The following PAPPA2 variants were observed in gnomAD, a reference collection of about 807,000 sequenced individuals.
PAPPA2 encodes the protein pappalysin-2.
A neutral mutation model predicts 176.4 loss-of-function variants in PAPPA2; 86 were observed. That is an observed-to-expected ratio of 0.49 (90% CI 0.41 to 0.58). PAPPA2 has a LOEUF of 0.58. Among genes scored for constraint, PAPPA2 ranks in the 20% least tolerant of loss-of-function variants. The probability of loss-of-function intolerance (pLI) is 0.00; values close to 1 mark genes in which losing one functional copy is unlikely to be tolerated. For missense variants in PAPPA2, 2,073 were observed against 2,256.9 expected, an observed-to-expected ratio of 0.92 and a Z score of 1.65; for synonymous variants, 809 against 852.2, an observed-to-expected ratio of 0.95 and a Z score of 0.88.
chr1:176,698,012 C>G (rs1660465251), intron 7 of PAPPA2, among the ~76,000 whole-genome samples: 1 of 152,218 alleles, frequency 6.6e-6, no homozygotes. Context: ...CAGTTGCACA[C>G]ACATATTTTT....
At chr1:176,513,193 T>C (rs1462600787) in intron 1 of PAPPA2, among the ~76,000 whole-genome samples, 1 of 148,096 alleles carries the variant, frequency 6.8e-6, no homozygotes, top group Non-Finnish European at 1.5e-5. Flanking sequence ...ATCATCATCA[T>C]CACCATCTAT....
chr1:176,709,693 C>A (rs1422868422), intron 10 of PAPPA2, among the ~76,000 whole-genome samples: 2 of 152,148 alleles, frequency 1.3e-5, no homozygotes, highest in Admixed American at 1.3e-4. Context: ...CACACCCAGT[C>A]TACAGCTGCT....
Position 176,769,651 on chromosome 1 carries a change from T to C in PAPPA2, c.4368T>C (p.Asn1456=). Residue 1456 remains asparagine, a synonymous_variant, in exon 16 of 23, where the codon AAT becomes AAC. Coordinates refer to ENST00000367662, the MANE Select transcript of PAPPA2 (RefSeq NM_020318.3). ...GTTCTTCTGGGCACTGGGACCAGAA[T>C]GTGAGCTGCCTTCCCGTGGACTGCG... ...LTCSSGHWDQ[N]VSCLPVDCGV... is the part of the protein sequence containing the mutation. 1 of 1,613,672 alleles carries C rather than the reference T, an allele frequency of 6.2e-7. No homozygotes were observed.
At chr1:176,690,013 G>A in intron 4 of PAPPA2, 124 bp from the exon 5 acceptor site, 1 of 864,116 alleles carries the variant, frequency 1.2e-6, no homozygotes, top group South Asian at 1.8e-5. Context: ...TATGTTACCA[G>A]AAGTTATAAA....
At chr1:176,650,234 T>C (rs1340161282) in intron 3 of PAPPA2, among the ~76,000 whole-genome samples, 2 of 151,504 alleles carry the variant, frequency 1.3e-5, no homozygotes, top group Admixed American at 6.6e-5. Context: ...TTTTGGTTTC[T>C]AGTTGCATGA....
At position 176,716,328 on chromosome 1, in the gene PAPPA2, CT is replaced by C. The variant is rs777980446; in HGVS notation, c.3798+4348del. 5.4e-4 allele frequency among the ~76,000 whole-genome samples: 82 copies of C among 151,514 alleles called. 1 individual carries two copies. Among genetic ancestry groups the C allele is most frequent in the Admixed American group, 1.3e-4 (2 of 15,200 alleles). On this transcript the variant is annotated intron_variant, in intron 12 of 22. Coordinates refer to ENST00000367662, the MANE Select transcript of PAPPA2 (RefSeq NM_020318.3). Reference sequence around the variant, plus strand: ...TGGCGCGATCTTGGCTCACTGCAACCTCTGCCTCTCGGGTTCAAGCGATTCT... The same window carrying C: ...TGGCGCGATCTTGGCTCACTGCAACCCTGCCTCTCGGGTTCAAGCGATTCT...
At chr1:176,662,199 G>A (rs1300498823) in intron 3 of PAPPA2, among the ~76,000 whole-genome samples, 1 of 152,108 alleles carries the variant, frequency 6.6e-6, no homozygotes, top group Non-Finnish European at 1.5e-5. Context: ...GTGATCCGGG[G>A]GAAGACACTT....
chr1:176,528,010 G>A, intron 1 of PAPPA2, among the ~76,000 whole-genome samples: 1 of 152,186 alleles, frequency 6.6e-6, no homozygotes. Flanking sequence ...CCTGCATCAT[G>A]GAAACCCCTT....
At chr1:176,488,045 A>G (rs1332962419) in intron 1 of PAPPA2, among the ~76,000 whole-genome samples, 1 of 152,214 alleles carries the variant, frequency 6.6e-6, no homozygotes, top group East Asian at 1.9e-4. Context: ...CTATGGAGAT[A>G]TTAAACCTTC....
intron 3 of PAPPA2, among the ~76,000 whole-genome samples, chr1:176,599,060 AAC>A (rs1654142525): frequency 6.6e-6 from 1 of 152,078 alleles, no homozygotes. Flanking sequence ...TGGATTGAAA[AAC>A]AGTTTATCTC....
intron 12 of PAPPA2, among the ~76,000 whole-genome samples, chr1:176,722,802 G>A (rs1039519626): frequency 1.3e-5 from 2 of 151,912 alleles, no homozygotes; most frequent in Non-Finnish European, 2.9e-5. Context: ...GATTGTTCTT[G>A]CCAGGACAGT....
intron 1 of PAPPA2, among the ~76,000 whole-genome samples, chr1:176,500,125 A>ATG (rs1203142356): frequency 9.3e-3 from 3 of 322 alleles, no homozygotes; most frequent in African/African-American, 0.022. Context: ...ATTTAGAAAT[A>ATG]TGTAAGTACA....
At chr1:176,599,537 A>T (rs1353970458) in intron 3 of PAPPA2, among the ~76,000 whole-genome samples, 1 of 133,176 alleles carries the variant, frequency 7.5e-6, no homozygotes, top group South Asian at 2.4e-4. Flanking sequence ...GATTTCTTTG[A>T]GTCTATCTTT....
intron 1 of PAPPA2, among the ~76,000 whole-genome samples, chr1:176,506,409 A>C (rs1310215935): frequency 3.3e-5 from 5 of 152,030 alleles, no homozygotes; most frequent in African/African-American, 1.2e-4. Context: ...CTAGTTTGAC[A>C]AAAATAGCAC....
intron 20 of PAPPA2, among the ~76,000 whole-genome samples, chr1:176,797,574 G>A (rs1013999101): frequency 6.6e-6 from 1 of 152,112 alleles, no homozygotes; most frequent in Non-Finnish European, 1.5e-5. Flanking sequence ...TTGAGCCCGA[G>A]AGATTGAGGC....
chr1:176,597,526 G>T (rs1336111890), intron 3 of PAPPA2, among the ~76,000 whole-genome samples: 3 of 151,972 alleles, frequency 2.0e-5, no homozygotes, highest in Admixed American at 2.0e-4. Context: ...ACATACCGGG[G>T]TCTGTCATGG....
chr1:176,750,529 C>T (rs956840437), intron 14 of PAPPA2, among the ~76,000 whole-genome samples: 15 of 152,078 alleles, frequency 9.9e-5, no homozygotes, highest in Middle Eastern at 6.8e-3. Flanking sequence ...TGCTTGAACC[C>T]GGGATGCGGA....
rs1662605320 is a variant in PAPPA2 at position 176,740,097 on chromosome 1, G to T, written c.4052G>T (p.Gly1351Val). ...VLLNFSSPRV[G>V]ISAVALRTSS... ...CTGAATTTCTCATCCCCACGGGTCG[G>T]CATCTCAGCTGTGGCTCTAAGGACA... Residue 1351 changes from glycine (G) to valine (V), a missense_variant, in exon 14 of 23, where the codon GGC becomes GTC. By Grantham distance (109) the Gly-to-Val change is moderately radical (BLOSUM62 -3). This residue lies in a region of PAPPA2 where 846 missense variants were observed against 857.9 expected (regional missense o/e 0.99). Transcript: ENST00000367662. The T allele has an allele frequency of 1.2e-6, 2 of 1,613,856 alleles. No homozygotes were observed. The highest frequency in any genetic ancestry group is 1.7e-6 in the Non-Finnish European group (2 of 1,179,860).
intron 2 of PAPPA2, among the ~76,000 whole-genome samples, chr1:176,571,868 T>C (rs1000611405): frequency 5.9e-5 from 9 of 152,234 alleles, no homozygotes; most frequent in African/African-American, 1.7e-4. Flanking sequence ...CATTAACTTA[T>C]GGGTTCAGCC....
Sources: allele counts gnomAD v4.1 joint callset (sites outside exome capture counted in the v4.1 genomes callset), GRCh38; gene constraint gnomAD v4.1.1; regional missense constraint gnomAD v4.1.1; transcripts MANE v1.5; gene names NCBI Gene and HGNC (gene_info 2026-07-23, HGNC 2026-07-21).